BPTF: variants seen among roughly 807,000 people sequenced by gnomAD.
BPTF encodes the protein bromodomain PHD finger transcription factor.
A neutral mutation model predicts 292.5 loss-of-function variants in BPTF; 18 were observed. The ratio of observed to expected loss-of-function variants is 0.06; its 90% confidence interval spans 0.04 to 0.09. The LOEUF is 0.09. Among genes scored for constraint, BPTF ranks in the 10% least tolerant of loss-of-function variants. The pLI is 1.00. For synonymous variants in BPTF, 1,225 were observed against 1,251.9 expected (o/e 0.98, Z 0.45); for missense variants, 2,726 against 3,498.7 (o/e 0.78, Z 5.57).
chr17:67,926,524 CTG>C (rs1028246636), intron 15 of BPTF, among the ~76,000 whole-genome samples: 2 of 151,694 alleles, frequency 1.3e-5, no homozygotes, highest in Non-Finnish European at 2.9e-5. Context: ...CGGGGTTTCA[CTG>C]TGTTAGCCAG....
At chr17:67,943,901 TG>T (rs1428578293) in intron 19 of BPTF, among the ~76,000 whole-genome samples, 1 of 152,162 alleles carries the variant, frequency 6.6e-6, no homozygotes, top group Admixed American at 6.5e-5. Context: ...GGAGGAACAG[TG>T]TTGCTTGTGG....
chr17:67,918,202 C>T (rs1230254930), intron 11 of BPTF, among the ~76,000 whole-genome samples: 2 of 152,196 alleles, frequency 1.3e-5, no homozygotes, highest in African/African-American at 4.8e-5. Context: ...TCCCACAGTG[C>T]TGGGATTACA....
intron 4 of BPTF, among the ~76,000 whole-genome samples, chr17:67,880,926 A>G (rs2060357375): frequency 6.7e-6 from 1 of 150,290 alleles, no homozygotes; most frequent in African/African-American, 2.5e-5. Context: ...TCCATGAACA[A>G]TTGAAGAGGG....
chr17:67,845,149 A>C (rs937334203), intron 1 of BPTF, among the ~76,000 whole-genome samples: 1 of 134,418 alleles, frequency 7.4e-6, no homozygotes, highest in Non-Finnish European at 1.5e-5. Flanking sequence ...TGCACCATCA[A>C]TTTGTTCCAT....
chr17:67,832,719 T>C (rs1331479836), intron 1 of BPTF, among the ~76,000 whole-genome samples: 2 of 151,702 alleles, frequency 1.3e-5, no homozygotes, highest in Non-Finnish European at 1.5e-5. Context: ...CTCCCTGTTC[T>C]TCACCTCCCT....
chr17:67,982,243 A>G lies in BPTF; in HGVS notation c.8727-9A>G. ...TGCTTAATTGTTCCCTTTTTTCTAT[A>G]TTCTGTAGGTCTCATAACAACAAAC... On this transcript the variant is annotated splice_polypyrimidine_tract_variant and intron_variant, in intron 27 of 27. Coordinates refer to ENST00000306378, the MANE Select transcript of BPTF (RefSeq NM_182641.4). The G allele has an allele frequency of 6.2e-7, 1 of 1,609,646 alleles. No individual in the cohort carries two copies. Among genetic ancestry groups the G allele is most frequent in the South Asian group, 1.1e-5 (1 of 90,672 alleles).
At chr17:67,890,118 AGTG>A (rs1384218133) in intron 4 of BPTF, among the ~76,000 whole-genome samples, 1 of 152,228 alleles carries the variant, frequency 6.6e-6, no homozygotes, top group Non-Finnish European at 1.5e-5. Context: ...AAACTGTAGT[AGTG>A]TGATATTTTG....
At position 67,910,935 on chromosome 17, in the gene BPTF, A is replaced by C; in HGVS notation, c.3051A>C (p.Glu1017Asp). 6.2e-7 allele frequency: 1 copy of C among 1,613,970 alleles called. No individual in the cohort carries two copies. The highest frequency in any genetic ancestry group is 8.5e-7 in the Non-Finnish European group (1 of 1,179,916). The part of the protein sequence containing the change: ...SDKPCKEEPM[E>D]VDDDMKTESH... Reference sequence around the variant, plus strand: ...AACCCTGCAAGGAAGAACCAATGGAAGTAGACGATGACATGAAAACAGAGT... The same window carrying C: ...AACCCTGCAAGGAAGAACCAATGGACGTAGACGATGACATGAAAACAGAGT... The change falls in exon 11 of 28, where the codon GAA becomes GAC. Residue 1017 changes from glutamate to aspartate, a missense_variant. Glu to Asp is a conservative substitution (Grantham distance 45). Transcript: ENST00000306378.
chr17:67,857,148 ATTTTTTTTTTTTTTT>A (rs35727338), intron 2 of BPTF, among the ~76,000 whole-genome samples: 1 of 97,586 alleles, frequency 1.0e-5, no homozygotes, highest in South Asian at 4.2e-4. Flanking sequence ...GTCTTTAACA[ATTTTTTTTTTTTTTT>A]TTTTTTTTTT....
intron 1 of BPTF, among the ~76,000 whole-genome samples, chr17:67,842,153 A>ATACATATAGATATGTATC (rs1229805034): frequency 2.0e-5 from 3 of 152,144 alleles, no homozygotes; most frequent in Non-Finnish European, 4.4e-5. Flanking sequence ...ATATATGTAG[A>ATACATATAGATATGTATC]TACATATAGA....
intron 1 of BPTF, among the ~76,000 whole-genome samples, chr17:67,840,057 A>G (rs2057425893): frequency 5.3e-5 from 8 of 150,610 alleles, no homozygotes; most frequent in Admixed American, 5.3e-4. Flanking sequence ...TTTTATGTGC[A>G]TCTTTTTATT....
intron 7 of BPTF, among the ~76,000 whole-genome samples, chr17:67,899,777 C>T (rs1459453190): frequency 6.6e-6 from 1 of 152,012 alleles, no homozygotes; most frequent in Non-Finnish European, 1.5e-5. Flanking sequence ...GATCTGCCCA[C>T]CTCGGCTTCC....
At chr17:67,863,086 T>G (rs1282792545) in intron 2 of BPTF, among the ~76,000 whole-genome samples, 2 of 152,104 alleles carry the variant, frequency 1.3e-5, no homozygotes, top group African/African-American at 4.8e-5. Context: ...ATGGGGTGGC[T>G]TGAAAAAATA....
At chr17:67,933,173 G>C (rs902553585) in intron 18 of BPTF, among the ~76,000 whole-genome samples, 1 of 151,610 alleles carries the variant, frequency 6.6e-6, no homozygotes, top group Admixed American at 6.6e-5. Flanking sequence ...CAGGAGAGTC[G>C]CTTGAACCCA....
chr17:67,917,620 AATT>A, intron 11 of BPTF, among the ~76,000 whole-genome samples: 1 of 128,688 alleles, frequency 7.8e-6, no homozygotes, highest in South Asian at 2.8e-4. Context: ...GGTTTAATTT[AATT>A]AATTAATTAA....
Position 67,982,396 on chromosome 17 carries a change from A to C in BPTF, c.*108A>C. The C allele has an allele frequency of 9.4e-7, 1 of 1,065,318 alleles. No individual in the cohort carries two copies. Among genetic ancestry groups the C allele is most frequent in the Non-Finnish European group, 1.4e-6 (1 of 722,420 alleles). 66.0% of individuals were successfully genotyped at this position (1,065,318 alleles called of 1,614,324 possible). On this transcript the variant is annotated 3_prime_UTR_variant, in exon 28 of 28. Coordinates refer to ENST00000306378, the MANE Select transcript of BPTF (RefSeq NM_182641.4). ...AGTCAGGCTATCCTGACAAGACTTG[A>C]CCTAAACTTCGTTTTTATTGGTCAT... is the stretch of plus-strand genomic sequence containing the variant.
At position 67,826,000 on chromosome 17, in the gene BPTF, G is replaced by T. The variant is rs1363808749; in HGVS notation, c.276G>T (p.Arg92=). 3 of 1,152,608 alleles carry T rather than the reference G, an allele frequency of 2.6e-6. No homozygotes were observed. The highest frequency in any genetic ancestry group is 3.2e-6 in the Non-Finnish European group (3 of 936,282). The allele number at this position is 1,152,608 out of a possible 1,614,324, so 71.4% of individuals were successfully genotyped here. A position where few individuals can be genotyped will look rare whatever the true frequency, so the allele number is the denominator to read the frequency against. The change falls in exon 1 of 28, where the codon CGG becomes CGT. Residue 92 remains arginine (R), a synonymous_variant. Transcript: ENST00000306378. ...PAPPSTSAPG[R]GGRGGGGGRT... is the part of the protein sequence containing the mutation. ...CCCCCAGCACCAGCGCCCCGGGCCG[G>T]GGGGGGCGAGGAGGCGGGGGCGGCA...
At chr17:67,869,317 T>C (rs562558435) in intron 3 of BPTF, among the ~76,000 whole-genome samples, 2 of 152,314 alleles carry the variant, frequency 1.3e-5, no homozygotes, top group South Asian at 4.1e-4. Flanking sequence ...TGTGTTAGAT[T>C]ATGTATACAG....
intron 9 of BPTF, among the ~76,000 whole-genome samples, chr17:67,906,348 G>A (rs967922404): frequency 6.6e-6 from 1 of 152,098 alleles, no homozygotes; most frequent in African/African-American, 2.4e-5. Context: ...CAAAGTGCTG[G>A]GATTACAGGT....
Sources: allele counts gnomAD v4.1 joint callset (sites outside exome capture counted in the v4.1 genomes callset), GRCh38; gene constraint gnomAD v4.1.1; transcripts MANE v1.5; gene names NCBI Gene and HGNC (gene_info 2026-07-23, HGNC 2026-07-21).